Variants in IL11 observed in about 807,000 individuals in gnomAD.
The protein encoded by IL11 is interleukin-11.
A neutral mutation model predicts 18.1 loss-of-function variants in IL11; 17 were observed. That is an observed-to-expected ratio of 0.94 (90% confidence interval 0.64 to 1.41). IL11 has a LOEUF of 1.41. Ranked by LOEUF, IL11 falls within the 40% of genes most tolerant of loss-of-function variation. The pLI is 0.00. For synonymous variants in IL11, 144 were observed against 134.1 expected, an observed-to-expected ratio of 1.07 and a Z score of -0.51; for missense variants, 309 against 262.8, an observed-to-expected ratio of 1.18 and a Z score of -1.22.
chr19:55,369,072 G>T lies in IL11; in HGVS notation c.8-131C>A, dbSNP rs1490005975. The T allele has an allele frequency of 2.6e-6, 2 of 763,380 alleles. No homozygotes were observed. The highest frequency in any genetic ancestry group is 2.0e-6 in the Non-Finnish European group (1 of 511,688). 47.3% of individuals were successfully genotyped at this position (763,380 alleles called of 1,614,324 possible). A position where few individuals can be genotyped will look rare whatever the true frequency, so the allele number is the denominator to read the frequency against. ...CTCCTCCTGGGTCTGAGGGAGGAGA[G>T]GCTGGGGGCCTGGACTCCTAGGTCT... On this transcript the variant is annotated intron_variant, in intron 1 of 4. Transcript: ENST00000264563. This position sits in a 1 kb window ranked among gnomAD's most constrained non-coding sequence, Gnocchi z 6.1.
rs1278525099 is a variant in IL11, at chr19:55,368,336, T to G, written c.303A>C (p.Leu101=). The change falls in exon 4 of 5, where the codon CTA becomes CTC. Residue 101 remains leucine (L), a synonymous_variant. Coordinates refer to ENST00000264563, the MANE Select transcript of IL11 (RefSeq NM_000641.4). ...ACTGCACGTGCCGCAGGTAGGACAG[T>G]AGGTCCGCTCGCAGCCTTGTCAGCA... ...PGVLTRLRAD[L]LSYLRHVQWL... 2.5e-6 allele frequency: 4 copies of G among 1,601,006 alleles called. No individual in the cohort carries two copies. The African/African-American group carries it at 5.4e-5, about 21-fold the overall frequency.
Position 55,364,683 on chromosome 19 carries a change from G to T in IL11, c.*1324C>A, listed in dbSNP as rs2089774159. 2 of 152,074 alleles carry T rather than the reference G, an allele frequency of 1.3e-5. No individual in the cohort carries two copies. Among genetic ancestry groups the T allele is most frequent in the Non-Finnish European group, 2.9e-5 (2 of 68,020 alleles). 9.4% of individuals were successfully genotyped at this position (152,074 alleles called of 1,614,324 possible). ...TCTTTCTTTTTTGAGACAGGGTTTTGCCATGTCTCGCAGGCCGGTCTCGAA... is the reference window on the plus strand; with the variant it reads ...TCTTTCTTTTTTGAGACAGGGTTTTTCCATGTCTCGCAGGCCGGTCTCGAA... On this transcript the variant is annotated 3_prime_UTR_variant, in exon 5 of 5. Transcript: ENST00000264563.
intron 1 of IL11, 39 bp from the exon 2 acceptor site, chr19:55,368,980 C>G: frequency 1.4e-6 from 2 of 1,455,322 alleles, no homozygotes; most frequent in Non-Finnish European, 1.8e-6. Flanking sequence ...GGCTGGACTC[C>G]GGGTCTGAGA....
chr19:55,370,171 C>A, intron 1 of IL11, 133 bp downstream of exon 1: 1 of 716,636 alleles, frequency 1.4e-6, no homozygotes, highest in Non-Finnish European at 2.5e-6. Flanking sequence ...GTCTCCGAAG[C>A]TGCTCTCCTC....
At position 55,369,749 on chromosome 19, in the gene IL11, C is replaced by A. The variant is rs535831832; in HGVS notation, c.7+555G>T. Among the ~76,000 whole-genome samples, 1 of 149,596 alleles carries A rather than the reference C, an allele frequency of 6.7e-6. No individual in the cohort carries two copies. The highest frequency in any genetic ancestry group is 2.4e-5 in the African/African-American group (1 of 41,104). ...CCCGGCCGCCCGCGCCTCGCACACC[C>A]CCAGCCCGCCCCCCGGGCCCGCCAG... On this transcript the variant is annotated intron_variant, in intron 1 of 4. Coordinates refer to ENST00000264563, the MANE Select transcript of IL11 (RefSeq NM_000641.4). The surrounding 1 kb of genome is among the most constrained non-coding windows in gnomAD (Gnocchi z 6.1).
Position 55,366,576 on chromosome 19 carries a change from C to T in IL11, c.430-399G>A, listed in dbSNP as rs896131470. ...CTGTTATCCCAGCGCTTTGGGAGGC[C>T]GAGGCGGGCGGATGGCCTGAGCTCA... On this transcript the variant is annotated intron_variant, in intron 4 of 4. Transcript: ENST00000264563. This position sits in a 1 kb window ranked among gnomAD's most constrained non-coding sequence, Gnocchi z 4.6. Among the ~76,000 whole-genome samples, 6 of 152,076 alleles carry T rather than the reference C, an allele frequency of 3.9e-5. No homozygotes were observed. The highest frequency in any genetic ancestry group is 1.2e-4 in the African/African-American group (5 of 41,474).
chr19:55,364,434 TAC>T lies in IL11; in HGVS notation c.*1571_*1572del, dbSNP rs2089772790. 2 of 152,180 alleles carry T rather than the reference TAC, an allele frequency of 1.3e-5. No individual in the cohort carries two copies. The highest frequency in any genetic ancestry group is 4.8e-5 in the African/African-American group (2 of 41,442). The allele number at this position is 152,180 out of a possible 1,614,324, so 9.4% of individuals were successfully genotyped here. On this transcript the variant is annotated 3_prime_UTR_variant, in exon 5 of 5. Coordinates refer to ENST00000264563, the MANE Select transcript of IL11 (RefSeq NM_000641.4). Reference sequence around the variant, plus strand: ...TATTTTTAAAATGTGTCATGCAAAATACACAGTCATGGCAGAAATTCTGTAAA... The same window carrying T: ...TATTTTTAAAATGTGTCATGCAAAATACAGTCATGGCAGAAATTCTGTAAA...
Position 55,368,196 on chromosome 19 carries a change from G to T in IL11, c.429+14C>A, listed in dbSNP as rs1201914915. 6.6e-7 allele frequency: 1 copy of T among 1,516,818 alleles called. No individual in the cohort carries two copies. The highest frequency in any genetic ancestry group is 8.9e-7 in the Non-Finnish European group (1 of 1,126,398). 94.0% of individuals were successfully genotyped at this position (1,516,818 alleles called of 1,614,324 possible). A position where few individuals can be genotyped will look rare whatever the true frequency, so the allele number is the denominator to read the frequency against. ...TGGGGGTCTGGGGTGTCAGGTCTTGGGGCCAGGACATACCAGGAGCTGCAG... is the reference window on the plus strand; with the variant it reads ...TGGGGGTCTGGGGTGTCAGGTCTTGTGGCCAGGACATACCAGGAGCTGCAG... On this transcript the variant is annotated intron_variant, in intron 4 of 4. Coordinates refer to ENST00000264563, the MANE Select transcript of IL11 (RefSeq NM_000641.4).
At chr19:55,367,450 CTTTTTTTTTT>C (rs980514763) in intron 4 of IL11, among the ~76,000 whole-genome samples, 3 of 69,816 alleles carry the variant, frequency 4.3e-5, no homozygotes, top group South Asian at 1.5e-3. Flanking sequence ...TCTTTTCCTT[CTTTTTTTTTT>C]TTTTTTTTTT....
In IL11 at chr19:55,368,277, G is replaced by A. The variant is rs1414373372; in HGVS notation, c.362C>T (p.Thr121Ile). 6.4e-7 allele frequency: 1 copy of A among 1,559,934 alleles called. No individual in the cohort carries two copies. Among genetic ancestry groups the A allele is most frequent in the East Asian group, 2.4e-5 (1 of 41,768 alleles). The change falls in exon 4 of 5, where the codon ACC becomes ATC. Residue 121 changes from threonine to isoleucine, a missense_variant. Physicochemically the swap from Thr to Ile is moderately conservative, Grantham distance 89 (BLOSUM62 -1). Coordinates refer to ENST00000264563, the MANE Select transcript of IL11 (RefSeq NM_000641.4). ...CAGGGTGCCCAGCTCGGGCTCCAGG[G>A]TCTTCAGGGAAGAGCCACCTGCCCG... ...LRRAGGSSLKTLEPELGTLQA... is the reference protein window; with the variant it reads ...LRRAGGSSLKILEPELGTLQA...
rs372677126 is a variant in IL11 at position 55,366,582 on chromosome 19, G to A, written c.430-405C>T. Among the ~76,000 whole-genome samples the A allele has an allele frequency of 6.6e-6, 1 of 152,100 alleles. No homozygotes were observed. Among genetic ancestry groups the A allele is most frequent in the Non-Finnish European group, 1.5e-5 (1 of 68,018 alleles). On this transcript the variant is annotated intron_variant, in intron 4 of 4. Transcript: ENST00000264563. This position sits in a 1 kb window ranked among gnomAD's most constrained non-coding sequence, Gnocchi z 4.6. ...TCCCAGCGCTTTGGGAGGCCGAGGC[G>A]GGCGGATGGCCTGAGCTCAGGAGTT...
Position 55,365,720 on chromosome 19 carries a change from A to C in IL11, c.*287T>G. 2 of 439,652 alleles carry C rather than the reference A, an allele frequency of 4.5e-6. No individual in the cohort carries two copies. The highest frequency in any genetic ancestry group is 4.0e-6 in the Non-Finnish European group (1 of 249,050). 27.2% of individuals were successfully genotyped at this position (439,652 alleles called of 1,614,324 possible). A position where few individuals can be genotyped will look rare whatever the true frequency, so the allele number is the denominator to read the frequency against. ...GTTCCTGCCCAGGCCTAGATGGGGA[A>C]GAGCCAGGGCAGAAGTCTGTGGACA... On this transcript the variant is annotated 3_prime_UTR_variant, in exon 5 of 5. Transcript: ENST00000264563.
At position 55,366,126 on chromosome 19, in the gene IL11, G is replaced by A. The variant is rs1466738368; in HGVS notation, c.481C>T (p.Leu161=). The A allele has an allele frequency of 2.6e-6, 4 of 1,534,536 alleles. No homozygotes were observed. The highest frequency in any genetic ancestry group is 2.8e-5 in the African/African-American group (2 of 72,138). ...CCCCAGGCTGAGGAGGGGGGCGCCAGCGGGGGCGCCGGCGGGTCCGGGGGT... is the reference window on the plus strand; with the variant it reads ...CCCCAGGCTGAGGAGGGGGGCGCCAACGGGGGCGCCGGCGGGTCCGGGGGT... ...QPPPDPPAPP[L]APPSSAWGGI... Residue 161 remains leucine (L), a synonymous_variant, in exon 5 of 5, where the codon CTG becomes TTG. Transcript: ENST00000264563. The surrounding 1 kb of genome is among the most constrained non-coding windows in gnomAD (Gnocchi z 4.6).
At position 55,366,025 on chromosome 19, in the gene IL11, C is replaced by T; in HGVS notation, c.582G>A (p.Leu194=). The T allele has an allele frequency of 6.2e-7, 1 of 1,604,664 alleles. No homozygotes were observed. Among genetic ancestry groups the T allele is most frequent in the South Asian group, 1.1e-5 (1 of 89,198 alleles). ...TLDWAVRGLL[L]LKTRL is the part of the protein sequence containing the mutation. ...CCCCGGGTCACAGCCGAGTCTTCAG[C>T]AGCAGCAGTCCCCTCACGGCCCAGT... The change falls in exon 5 of 5, where the codon CTG becomes CTA. Residue 194 remains leucine (L), a synonymous_variant. Coordinates refer to ENST00000264563, the MANE Select transcript of IL11 (RefSeq NM_000641.4). This position sits in a 1 kb window ranked among gnomAD's most constrained non-coding sequence, Gnocchi z 4.6.
rs1223070782 is a variant in IL11 at position 55,368,380 on chromosome 19, A to C, written c.268-9T>G. ...GTCAGCACACCTGGGAGCTGGGGAT[A>C]GAGCCGGGACATCAGAGAACACCCG... On this transcript the variant is annotated splice_polypyrimidine_tract_variant and intron_variant, in intron 3 of 4. Transcript: ENST00000264563. The C allele has an allele frequency of 3.8e-6, 6 of 1,593,002 alleles. No homozygotes were observed. In the South Asian group the frequency reaches 6.7e-5, roughly 18 times the overall value.
Position 55,368,317 on chromosome 19 carries a change from C to T in IL11, c.322G>A (p.Val108Met), listed in dbSNP as rs4252576. The T allele has an allele frequency of 1.8e-3, 2,939 of 1,594,454 alleles. 5 individuals carry two copies. The highest frequency in any genetic ancestry group is 2.6e-3 in the Admixed American group (152 of 57,802). Residue 108 changes from valine (V) to methionine (M), a missense_variant, in exon 4 of 5, where the codon GTG (valine) becomes ATG (methionine). Physicochemically the swap from Val to Met is conservative, Grantham distance 21. Transcript: ENST00000264563. ...CCACCTGCCCGGCGCAGCCACTGCACGTGCCGCAGGTAGGACAGTAGGTCC... is the reference window on the plus strand; with the variant it reads ...CCACCTGCCCGGCGCAGCCACTGCATGTGCCGCAGGTAGGACAGTAGGTCC... ...RADLLSYLRH[V>M]QWLRRAGGSS... is the part of the protein sequence containing the mutation.
intron 4 of IL11, among the ~76,000 whole-genome samples, chr19:55,367,022 C>T (rs962522707): frequency 6.6e-6 from 1 of 152,046 alleles, no homozygotes; most frequent in African/African-American, 2.4e-5. Context: ...GGCCCTGGAT[C>T]TCAAGGCTGA....
chr19:55,370,224 G>A, intron 1 of IL11, 80 bp downstream of exon 1: 1 of 1,083,000 alleles, frequency 9.2e-7, no homozygotes, highest in South Asian at 1.3e-5. Flanking sequence ...CGACTCAGCG[G>A]GGTCTGCTCC....
At chr19:55,367,593 T>C (rs2089793679) in intron 4 of IL11, among the ~76,000 whole-genome samples, 1 of 151,666 alleles carries the variant, frequency 6.6e-6, no homozygotes, top group Admixed American at 6.6e-5. Flanking sequence ...CCCAAGTAGC[T>C]GGGATTACAG....
Sources: allele counts gnomAD v4.1 joint callset (sites outside exome capture counted in the v4.1 genomes callset), GRCh38; gene constraint gnomAD v4.1.1; non-coding constraint Gnocchi (gnomAD v3.1); transcripts MANE v1.5; gene names NCBI Gene and HGNC (gene_info 2026-07-23, HGNC 2026-07-21).